RASEF: variants seen among roughly 807,000 people sequenced by gnomAD.
RASEF encodes ras and EF-hand domain-containing protein.
Under a neutral mutation model 90.1 loss-of-function variants are expected in RASEF, and 68 were observed. The observed-to-expected ratio is 0.75, with a 90% confidence interval of 0.62 to 0.92. The LOEUF (loss-of-function observed/expected upper bound fraction) is 0.92, where lower values mean the gene tolerates loss of function less well. RASEF is among the 40% of genes least tolerant of loss of function. The pLI, the probability that RASEF is intolerant of heterozygous loss-of-function variation, is 0.00. For missense variants in RASEF, 949 were observed against 937.2 expected (o/e 1.01, Z -0.16); for synonymous variants, 331 against 345.2 (o/e 0.96, Z 0.46).
chr9:83,070,596 A>AGTT, the RASEF span, among the ~76,000 whole-genome samples: 1 of 152,142 alleles, frequency 6.6e-6, no homozygotes, highest in Non-Finnish European at 1.5e-5. Flanking sequence ...TATTTTTCAA[A>AGTT]GTTGTTTTGG....
At chr9:83,160,759 G>C in the RASEF span, among the ~76,000 whole-genome samples, 1 of 152,148 alleles carries the variant, frequency 6.6e-6, no homozygotes, top group South Asian at 2.1e-4. Context: ...CAGAGGCCTA[G>C]GAAAAAATTG....
chr9:83,040,342 G>A (rs992906413), intron 1 of RASEF, among the ~76,000 whole-genome samples: 1 of 152,118 alleles, frequency 6.6e-6, no homozygotes, highest in African/African-American at 2.4e-5. Context: ...AATAATAAAT[G>A]TGGGGGCATT....
At chr9:83,066,957 C>G (rs780395945), upstream of RASEF, among the ~76,000 whole-genome samples, 13 of 152,154 alleles carry the variant, frequency 8.5e-5, no homozygotes, top group Admixed American at 2.6e-4. Flanking sequence ...TAGACAGTGA[C>G]TAGGGTGGTG....
intron 1 of RASEF, among the ~76,000 whole-genome samples, chr9:83,033,740 C>A (rs1262881314): frequency 6.6e-6 from 1 of 152,186 alleles, no homozygotes; most frequent in Non-Finnish European, 1.5e-5. Flanking sequence ...AGACCATTAT[C>A]ATTTAATCCA....
chr9:83,056,862 C>G lies in RASEF; in HGVS notation c.431+5575G>C, dbSNP rs555904465. 2.0e-5 allele frequency among the ~76,000 whole-genome samples: 3 copies of G among 152,342 alleles called. No individual in the cohort carries two copies. The South Asian group carries it at 6.2e-4, about 32-fold the overall frequency. ...CTTTCTTCAAATTCTGAGAGCAAAG[C>G]TCTGAGCAATCAGTGAATTCTGAGG... On this transcript the variant is annotated intron_variant, in intron 1 of 16. Transcript: ENST00000376447.
At chr9:83,175,714 G>A in the RASEF span, among the ~76,000 whole-genome samples, 44 of 152,108 alleles carry the variant, frequency 2.9e-4, no homozygotes, top group African/African-American at 7.7e-4. Flanking sequence ...CTGAGTAGCC[G>A]GGACTACAGG....
At chr9:83,004,415 T>TTCTATTA in intron 9 of RASEF, 83 bp downstream of exon 9, 5 of 752,894 alleles carry the variant, frequency 6.6e-6, no homozygotes, top group Non-Finnish European at 1.1e-5. Context: ...TATTCTATTA[T>TTCTATTA]TTTAATCCAC....
intron 2 of RASEF, among the ~76,000 whole-genome samples, chr9:83,023,325 C>A (rs1207268246): frequency 6.6e-6 from 1 of 152,138 alleles, no homozygotes; most frequent in East Asian, 1.9e-4. Context: ...GGAGACAGAG[C>A]ACATTGATTT....
At chr9:83,019,141 A>C (rs919166482) in intron 3 of RASEF, among the ~76,000 whole-genome samples, 1 of 152,146 alleles carries the variant, frequency 6.6e-6, no homozygotes, top group Non-Finnish European at 1.5e-5. Flanking sequence ...AAAAATTAAA[A>C]ATTTATACTC....
chr9:83,156,013 A>G, the RASEF span, among the ~76,000 whole-genome samples: 1 of 152,202 alleles, frequency 6.6e-6, no homozygotes, highest in Non-Finnish European at 1.5e-5. Context: ...CTGACTGAAA[A>G]CATAAGAATA....
At chr9:83,190,227 T>C in the RASEF span, among the ~76,000 whole-genome samples, 1 of 152,238 alleles carries the variant, frequency 6.6e-6, no homozygotes, top group East Asian at 1.9e-4. Context: ...AAATTTGTTA[T>C]CCCTGTTACA....
the RASEF span, among the ~76,000 whole-genome samples, chr9:83,198,431 T>TCACCTCCACTCTCTGCATGTCCTTA: frequency 6.6e-6 from 1 of 152,158 alleles, no homozygotes; most frequent in Non-Finnish European, 1.5e-5. Context: ...TCAGTGCCTT[T>TCACCTCCACTCTCTGCATGTCCTTA]CACCTCCACT....
chr9:83,081,454 T>C, the RASEF span, among the ~76,000 whole-genome samples: 1 of 152,120 alleles, frequency 6.6e-6, no homozygotes, highest in Non-Finnish European at 1.5e-5. Flanking sequence ...GCCTGAAAAA[T>C]AGTATAAAAA....
intron 6 of RASEF, among the ~76,000 whole-genome samples, chr9:83,008,935 T>TATATATATGA (rs1554706822): frequency 1.6e-5 from 2 of 122,330 alleles, no homozygotes; most frequent in Non-Finnish European, 3.5e-5. Context: ...TATATATATA[T>TATATATATGA]GACGTGGGCT....
chr9:83,179,664 G>T, the RASEF span, among the ~76,000 whole-genome samples: 15 of 152,080 alleles, frequency 9.9e-5, no homozygotes, highest in Non-Finnish European at 2.1e-4. Flanking sequence ...GAATAAATGT[G>T]TCTAAAAAGA....
chr9:83,092,663 T>G, the RASEF span, among the ~76,000 whole-genome samples: 1 of 152,148 alleles, frequency 6.6e-6, no homozygotes, highest in Non-Finnish European at 1.5e-5. Flanking sequence ...GCTTCCACTG[T>G]GTGGAAGGGG....
the RASEF span, among the ~76,000 whole-genome samples, chr9:83,164,347 G>GTGTGTGTATATATATATATATA: frequency 6.9e-5 from 9 of 129,984 alleles, no homozygotes; most frequent in South Asian, 2.5e-4. Context: ...GTATATGTGT[G>GTGTGTGTATATATATATATATA]TATATATATA....
At chr9:83,053,687 T>C (rs1234867753) in intron 1 of RASEF, among the ~76,000 whole-genome samples, 1 of 146,866 alleles carries the variant, frequency 6.8e-6, no homozygotes, top group Non-Finnish European at 1.5e-5. Context: ...TGGTACCGGT[T>C]GATCCTTTCC....
At chr9:83,030,756 C>T (rs1024309651) in intron 1 of RASEF, among the ~76,000 whole-genome samples, 22 of 152,290 alleles carry the variant, frequency 1.4e-4, no homozygotes, top group African/African-American at 1.9e-4. Flanking sequence ...TTCTAGAAAA[C>T]GGAGTGGGTA....
Sources: allele counts gnomAD v4.1 joint callset (sites outside exome capture counted in the v4.1 genomes callset), GRCh38; gene constraint gnomAD v4.1.1; transcripts MANE v1.5; gene names NCBI Gene and HGNC (gene_info 2026-07-23, HGNC 2026-07-21).